MYRIP: variants seen among roughly 807,000 people sequenced by gnomAD.
MYRIP encodes the protein rab effector MyRIP.
Under a neutral mutation model 98.0 loss-of-function variants are expected in MYRIP, and 49 were observed. That is an observed-to-expected ratio of 0.50 (90% confidence interval 0.40 to 0.63). MYRIP has a LOEUF of 0.63. Among genes scored for constraint, MYRIP ranks in the 30% least tolerant of loss-of-function variants. The pLI is 0.00. For synonymous variants in MYRIP, 404 were observed against 409.5 expected (o/e 0.99, Z 0.16); for missense variants, 1,004 against 1,058.2 (o/e 0.95, Z 0.71).
chr3:40,176,009 A>C (rs1052162197), intron 8 of MYRIP, among the ~76,000 whole-genome samples: 2 of 152,248 alleles, frequency 1.3e-5, no homozygotes, highest in African/African-American at 4.8e-5. Flanking sequence ...ATGTTTGTAC[A>C]TCACATGTGA....
At chr3:39,992,546 C>G (rs1023057692) in intron 2 of MYRIP, among the ~76,000 whole-genome samples, 1 of 152,234 alleles carries the variant, frequency 6.6e-6, no homozygotes, top group Admixed American at 6.5e-5. Flanking sequence ...TGCTTGCCAT[C>G]TGAATGTACT....
intron 2 of MYRIP, among the ~76,000 whole-genome samples, chr3:39,952,873 C>G (rs1022517852): frequency 4.6e-5 from 7 of 152,030 alleles, no homozygotes; most frequent in Non-Finnish European, 1.0e-4. Context: ...TGCAGCCTCC[C>G]ACATATGTAC....
At chr3:40,163,622 C>T (rs1950442710) in intron 5 of MYRIP, among the ~76,000 whole-genome samples, 1 of 152,092 alleles carries the variant, frequency 6.6e-6, no homozygotes, top group Non-Finnish European at 1.5e-5. Context: ...CTTCACCTGC[C>T]CTCAGACATC....
At chr3:39,849,928 A>T (rs1225013131) in intron 1 of MYRIP, among the ~76,000 whole-genome samples, 2 of 152,240 alleles carry the variant, frequency 1.3e-5, no homozygotes, top group Non-Finnish European at 2.9e-5. Context: ...TAAATGACTA[A>T]GAGACAACTT....
intron 1 of MYRIP, among the ~76,000 whole-genome samples, chr3:39,831,278 G>T (rs1385382655): frequency 2.0e-5 from 3 of 151,974 alleles, no homozygotes; most frequent in Admixed American, 6.6e-5. Context: ...TGATCTTCAA[G>T]CATATCTATT....
At position 40,200,184 on chromosome 3, in the gene MYRIP, C is replaced by A. The variant is rs537079247; in HGVS notation, c.1666-9670C>A. On this transcript the variant is annotated intron_variant, in intron 10 of 16. Coordinates refer to ENST00000302541, the MANE Select transcript of MYRIP (RefSeq NM_015460.4). The stretch of plus-strand genomic sequence containing the variant: ...GGTACACTAGGTCAGGGTATCCAAT[C>A]TTTTGGCTTCCCTGGGCCACAGTGG... Among the ~76,000 whole-genome samples the A allele has an allele frequency of 6.2e-4, 93 of 150,314 alleles. 1 individual carries two copies. Among genetic ancestry groups the A allele is most frequent in the African/African-American group, 2.2e-3 (91 of 41,232 alleles).
At chr3:40,092,647 A>G (rs1319945674) in intron 3 of MYRIP, among the ~76,000 whole-genome samples, 1 of 152,334 alleles carries the variant, frequency 6.6e-6, no homozygotes. Context: ...CATTAGTTCA[A>G]CAAATCCCCA....
At chr3:39,887,935 C>CA (rs1371416820) in intron 1 of MYRIP, among the ~76,000 whole-genome samples, 7 of 151,508 alleles carry the variant, frequency 4.6e-5, no homozygotes, top group African/African-American at 1.7e-4. Flanking sequence ...ACAATTGCTT[C>CA]AAAGAGAATA....
At chr3:39,912,028 A>G (rs1416696123) in intron 2 of MYRIP, among the ~76,000 whole-genome samples, 1 of 145,958 alleles carries the variant, frequency 6.9e-6, no homozygotes, top group East Asian at 2.1e-4. Flanking sequence ...TCCTAGCCCA[A>G]AGACTTTTTT....
intron 1 of MYRIP, among the ~76,000 whole-genome samples, chr3:39,855,396 C>T (rs1942255168): frequency 6.6e-6 from 1 of 152,014 alleles, no homozygotes; most frequent in Non-Finnish European, 1.5e-5. Flanking sequence ...GTAAAGCTCC[C>T]AAAAGTTTCT....
chr3:40,081,080 T>C (rs1310317744), intron 3 of MYRIP, among the ~76,000 whole-genome samples: 1 of 152,150 alleles, frequency 6.6e-6, no homozygotes, highest in Non-Finnish European at 1.5e-5. Flanking sequence ...TTTCAAACTT[T>C]ATTGCATTGT....
chr3:40,152,447 A>C (rs1350590646), intron 4 of MYRIP, among the ~76,000 whole-genome samples: 1 of 152,242 alleles, frequency 6.6e-6, no homozygotes, highest in Non-Finnish European at 1.5e-5. Flanking sequence ...CCTGTAGAAT[A>C]GAGCAGAATT....
chr3:40,027,344 C>G (rs1015677306), intron 2 of MYRIP, among the ~76,000 whole-genome samples: 13 of 152,112 alleles, frequency 8.5e-5, no homozygotes, highest in Non-Finnish European at 2.9e-5. Context: ...GCAAGGTCCT[C>G]TAAGAGTGGG....
chr3:39,810,626 A>G (rs1358735158), intron 1 of MYRIP: 1 of 152,304 alleles, frequency 6.6e-6, no homozygotes, highest in African/African-American at 2.4e-5. Context: ...CGTGGAGCGG[A>G]AAGATTCAGT....
intron 3 of MYRIP, among the ~76,000 whole-genome samples, chr3:40,073,501 C>T (rs2125861315): frequency 6.6e-6 from 1 of 152,334 alleles, no homozygotes; most frequent in South Asian, 2.1e-4. Flanking sequence ...TTCTGCCTTA[C>T]TCTCTGTTGA....
At chr3:40,144,071 A>G (rs993192706) in intron 3 of MYRIP, among the ~76,000 whole-genome samples, 4 of 152,238 alleles carry the variant, frequency 2.6e-5, no homozygotes, top group African/African-American at 7.2e-5. Context: ...TTAGAACATG[A>G]TATTAGGACT....
intron 3 of MYRIP, among the ~76,000 whole-genome samples, chr3:40,134,448 C>T (rs1333996318): frequency 6.6e-6 from 1 of 152,246 alleles, no homozygotes; most frequent in African/African-American, 2.4e-5. Flanking sequence ...GTAGGCTCCA[C>T]CTCTGGGGGC....
At chr3:39,841,449 C>G (rs564334798) in intron 1 of MYRIP, among the ~76,000 whole-genome samples, 16 of 152,220 alleles carry the variant, frequency 1.1e-4, no homozygotes, top group Admixed American at 9.2e-4. Flanking sequence ...CTGAAGCCTA[C>G]TTCTGTCAAT....
intron 2 of MYRIP, among the ~76,000 whole-genome samples, chr3:40,020,457 GT>G (rs1559563446): frequency 6.6e-6 from 1 of 152,190 alleles, no homozygotes; most frequent in African/African-American, 2.4e-5. Context: ...CGCCCTGGCT[GT>G]TTGACAAATC....
Sources: gnomAD v4.1 joint callset for allele counts (sites outside exome capture counted in the v4.1 genomes callset) on GRCh38, gnomAD v4.1.1 for gene constraint, MANE v1.5 for transcripts, NCBI Gene and HGNC (gene_info 2026-07-23, HGNC 2026-07-21) for gene names.